The following THSD7A variants were observed in gnomAD, a reference collection of about 807,000 sequenced individuals.
THSD7A encodes the protein thrombospondin type 1 domain containing 7A, also known as thrombospondin type-1 domain-containing protein 7A.
Under a neutral mutation model 231.3 loss-of-function variants are expected in THSD7A, and 96 were observed. That is an observed-to-expected ratio of 0.41 (90% CI 0.35 to 0.49). The LOEUF is 0.49. Among genes scored for constraint, THSD7A ranks in the 20% least tolerant of loss-of-function variants. The probability of loss-of-function intolerance (pLI) is 0.05; values close to 1 mark genes in which losing one functional copy is unlikely to be tolerated. For missense variants in THSD7A, 2,290 were observed against 2,070.2 expected (o/e 1.11, Z -2.06); for synonymous variants, 940 against 743.3 (o/e 1.26, Z -4.30).
chr7:11,598,037 C>A (rs1393508955), intron 2 of THSD7A, among the ~76,000 whole-genome samples: 1 of 152,296 alleles, frequency 6.6e-6, no homozygotes, highest in East Asian at 1.9e-4. Flanking sequence ...ACAGCTGCAG[C>A]ACTAAGCCCC....
intron 1 of THSD7A, among the ~76,000 whole-genome samples, chr7:11,798,467 T>C (rs1356319938): frequency 6.8e-6 from 1 of 146,424 alleles, no homozygotes; most frequent in Non-Finnish European, 1.5e-5. Context: ...TGAGACGCTA[T>C]CTCCAAAAAA....
chr7:11,426,539 G>C (rs78685752), intron 15 of THSD7A, 127 bp downstream of exon 15: 1 of 1,055,518 alleles, frequency 9.5e-7, no homozygotes, highest in Non-Finnish European at 1.3e-6. Context: ...TTCTTTAATG[G>C]AAAATATGAC....
At chr7:11,530,997 C>A (rs926679913) in intron 6 of THSD7A, among the ~76,000 whole-genome samples, 4 of 151,998 alleles carry the variant, frequency 2.6e-5, no homozygotes, top group African/African-American at 9.7e-5. Context: ...GGTGACAGAC[C>A]AAGACTCTGT....
chr7:11,395,804 G>A (rs550202922), intron 23 of THSD7A, among the ~76,000 whole-genome samples: 15 of 152,212 alleles, frequency 9.9e-5, no homozygotes, highest in African/African-American at 3.6e-4. Context: ...GGGATTACAG[G>A]CATGAGCCAC....
rs1479478150 is a variant in THSD7A, at chr7:11,374,595, C to G, written c.*1199G>C. Reference sequence around the variant, plus strand: ...ACATTATTTATTTTCTCCATCTGCTCAAAATTAAAAAGACATCCAGTTCCT... The same window carrying G: ...ACATTATTTATTTTCTCCATCTGCTGAAAATTAAAAAGACATCCAGTTCCT... On this transcript the variant is annotated 3_prime_UTR_variant, in exon 28 of 28. Transcript: ENST00000423059. The G allele has an allele frequency of 2.0e-5, 3 of 148,370 alleles. No individual in the cohort carries two copies. The highest frequency in any genetic ancestry group is 4.4e-5 in the Non-Finnish European group (3 of 67,420). The allele number at this position is 148,370 out of a possible 1,614,324, so 9.2% of individuals were successfully genotyped here.
At chr7:11,507,762 T>C (rs1787615056) in intron 6 of THSD7A, among the ~76,000 whole-genome samples, 1 of 152,216 alleles carries the variant, frequency 6.6e-6, no homozygotes, top group Admixed American at 6.5e-5. Context: ...GTTTTTATTG[T>C]AAGGCTTTAA....
chr7:11,622,661 A>C (rs1195858438), intron 2 of THSD7A, among the ~76,000 whole-genome samples: 1 of 152,152 alleles, frequency 6.6e-6, no homozygotes, highest in South Asian at 2.1e-4. Context: ...TAAAAGCTCT[A>C]TCTTAAACAG....
At chr7:11,385,174 G>C (rs1327795063) in intron 23 of THSD7A, 1 of 149,358 alleles carries the variant, frequency 6.7e-6, no homozygotes, top group African/African-American at 2.4e-5. Context: ...CAATGTTTCT[G>C]AATTTTCTTA....
chr7:11,371,246 C>CT lies in THSD7A; in HGVS notation c.*4547dup, dbSNP rs1316219281. On this transcript the variant is annotated 3_prime_UTR_variant, in exon 28 of 28. Transcript: ENST00000423059. ...TTATTATAACACACTGCAAACCATC[C>CT]TTTTTATAAATGGATAACTATTTGC... The CT allele has an allele frequency of 6.6e-6, 1 of 152,176 alleles. No homozygotes were observed. The highest frequency in any genetic ancestry group is 1.5e-5 in the Non-Finnish European group (1 of 68,036). The allele number at this position is 152,176 out of a possible 1,614,324, so 9.4% of individuals were successfully genotyped here. A position where few individuals can be genotyped will look rare whatever the true frequency, so the allele number is the denominator to read the frequency against.
intron 1 of THSD7A, among the ~76,000 whole-genome samples, chr7:11,684,454 T>G (rs1317626953): frequency 6.6e-6 from 1 of 151,698 alleles, no homozygotes; most frequent in Non-Finnish European, 1.5e-5. Context: ...CATCTCTCTT[T>G]GCAGACAATA....
At chr7:11,563,352 T>C (rs1790157108) in intron 4 of THSD7A, among the ~76,000 whole-genome samples, 1 of 152,134 alleles carries the variant, frequency 6.6e-6, no homozygotes, top group Non-Finnish European at 1.5e-5. Flanking sequence ...TAACTCATTA[T>C]TAAGTTTATT....
intron 1 of THSD7A, among the ~76,000 whole-genome samples, chr7:11,774,554 T>C (rs552891057): frequency 2.0e-5 from 3 of 152,086 alleles, no homozygotes; most frequent in East Asian, 3.9e-4. Context: ...TTGGAGGTAA[T>C]GGATATTTTT....
At chr7:11,754,321 A>C (rs1018111507) in intron 1 of THSD7A, among the ~76,000 whole-genome samples, 1 of 152,060 alleles carries the variant, frequency 6.6e-6, no homozygotes, top group Non-Finnish European at 1.5e-5. Flanking sequence ...ATGATTGTAC[A>C]AAGTTCTTGG....
intron 6 of THSD7A, among the ~76,000 whole-genome samples, chr7:11,489,824 G>A (rs1786814117): frequency 6.6e-6 from 1 of 151,820 alleles, no homozygotes; most frequent in South Asian, 2.1e-4. Context: ...AGCTTTGTCT[G>A]GTACAACTTT....
chr7:11,825,255 T>A (rs1315017492), intron 1 of THSD7A, among the ~76,000 whole-genome samples: 1 of 152,132 alleles, frequency 6.6e-6, no homozygotes, highest in African/African-American at 2.4e-5. Context: ...TTGAAAAACT[T>A]CATAAATGCC....
intron 1 of THSD7A, among the ~76,000 whole-genome samples, chr7:11,673,692 G>A (rs1001263656): frequency 2.6e-5 from 4 of 152,168 alleles, no homozygotes; most frequent in African/African-American, 9.6e-5. Context: ...ATGGGAGCAG[G>A]ATGCTCCTTC....
chr7:11,627,681 T>C (rs1562780578), intron 2 of THSD7A, among the ~76,000 whole-genome samples: 1 of 152,154 alleles, frequency 6.6e-6, no homozygotes, highest in Non-Finnish European at 1.5e-5. Flanking sequence ...TCATAGTTAA[T>C]GAGGGATGTT....
At chr7:11,572,968 A>G (rs34059711) in intron 4 of THSD7A, among the ~76,000 whole-genome samples, 32,474 of 152,058 alleles carry the variant, frequency 0.21, 3,880 homozygotes, top group Middle Eastern at 0.27. Flanking sequence ...TTCCTTTATA[A>G]GGTGTTAAGT....
chr7:11,503,444 A>G (rs1359017367), intron 6 of THSD7A, among the ~76,000 whole-genome samples: 2 of 152,200 alleles, frequency 1.3e-5, no homozygotes, highest in African/African-American at 2.4e-5. Flanking sequence ...CAACAAAAGC[A>G]AACATTGACA....
Sources: allele counts gnomAD v4.1 joint callset (sites outside exome capture counted in the v4.1 genomes callset), GRCh38; gene constraint gnomAD v4.1.1; transcripts MANE v1.5; gene names NCBI Gene and HGNC (gene_info 2026-07-23, HGNC 2026-07-21).